ATP2A2: variants seen among roughly 807,000 people sequenced by gnomAD.
The protein encoded by ATP2A2 is sarcoplasmic/endoplasmic reticulum calcium ATPase 2.
Under a neutral mutation model 109.3 loss-of-function variants are expected in ATP2A2, and 14 were observed. The ratio of observed to expected loss-of-function variants is 0.13; its 90% CI spans 0.08 to 0.20. The LOEUF (loss-of-function observed/expected upper bound fraction) is 0.20. Ranked by LOEUF, ATP2A2 falls within the 10% of genes least tolerant of loss-of-function variation. The pLI, the probability that ATP2A2 is intolerant of heterozygous loss-of-function variation, is 1.00. For missense variants in ATP2A2, 657 were observed against 1,321.6 expected (o/e 0.50, Z 7.80); for synonymous variants, 506 against 490.9 (o/e 1.03, Z -0.41).
chr12:110,297,012 G>T (rs184514874), intron 5 of ATP2A2, among the ~76,000 whole-genome samples: 1 of 152,258 alleles, frequency 6.6e-6, no homozygotes, highest in East Asian at 1.9e-4. Context: ...GTGCTAGAGA[G>T]GTAAAACCTA....
At chr12:110,300,343 A>C (rs1452757772) in intron 5 of ATP2A2, among the ~76,000 whole-genome samples, 3 of 134,562 alleles carry the variant, frequency 2.2e-5, no homozygotes, top group Non-Finnish European at 3.1e-5. Flanking sequence ...ACATGACACC[A>C]TGCCCAGCTT....
In ATP2A2 at chr12:110,339,206, G is replaced by A. The variant is rs906393078; in HGVS notation, c.1420-75G>A. The A allele has an allele frequency of 3.2e-6, 5 of 1,573,734 alleles. No individual in the cohort carries two copies. The African/African-American group carries it at 4.1e-5, about 13-fold the overall frequency. On this transcript the variant is annotated intron_variant, in intron 11 of 19. Coordinates refer to ENST00000539276, the MANE Select transcript of ATP2A2 (RefSeq NM_170665.4). The surrounding 1 kb of genome is among the most constrained non-coding windows in gnomAD (Gnocchi z 4.4). The stretch of plus-strand genomic sequence containing the variant: ...ATTCCTAGCATCTGTCATGTAATAG[G>A]TGTGCTTACTGCTTGTTAGGTAAAA...
chr12:110,298,704 C>A (rs573530722), intron 5 of ATP2A2, among the ~76,000 whole-genome samples: 2 of 152,182 alleles, frequency 1.3e-5, no homozygotes, highest in African/African-American at 4.8e-5. Context: ...GGCGACAGAG[C>A]CCCAGACTCC....
intron 5 of ATP2A2, among the ~76,000 whole-genome samples, chr12:110,315,866 G>A (rs1002895843): frequency 1.3e-5 from 2 of 152,244 alleles, no homozygotes; most frequent in African/African-American, 4.8e-5. Context: ...TTGAACCCAG[G>A]AGGCGGGGGT....
intron 11 of ATP2A2, among the ~76,000 whole-genome samples, chr12:110,334,919 C>G (rs750816375): frequency 1.1e-4 from 16 of 152,138 alleles, no homozygotes; most frequent in Non-Finnish European, 1.9e-4. Flanking sequence ...TTGATGAGAC[C>G]AGCATAACCA....
intron 3 of ATP2A2, among the ~76,000 whole-genome samples, chr12:110,285,100 C>T (rs753123980): frequency 1.3e-5 from 2 of 152,074 alleles, no homozygotes; most frequent in Non-Finnish European, 2.9e-5. Flanking sequence ...TCAAGTCATG[C>T]TTAAATTAAA....
At chr12:110,304,552 A>T (rs1450360107) in intron 5 of ATP2A2, among the ~76,000 whole-genome samples, 1 of 152,170 alleles carries the variant, frequency 6.6e-6, no homozygotes, top group African/African-American at 2.4e-5. Context: ...GCATCTTTTC[A>T]TGTGGCTATT....
chr12:110,310,060 A>G (rs1875845022), intron 5 of ATP2A2, among the ~76,000 whole-genome samples: 1 of 152,152 alleles, frequency 6.6e-6, no homozygotes, highest in Non-Finnish European at 1.5e-5. Flanking sequence ...AATGAACGTC[A>G]TTGTTTTTAA....
At chr12:110,285,709 C>T (rs1004052531) in intron 3 of ATP2A2, among the ~76,000 whole-genome samples, 4 of 152,148 alleles carry the variant, frequency 2.6e-5, no homozygotes, top group Non-Finnish European at 5.9e-5. Flanking sequence ...TCCCATCTGT[C>T]TAAATCATAA....
Position 110,341,006 on chromosome 12 carries a change from T to G in ATP2A2, c.2097+12T>G. On this transcript the variant is annotated intron_variant, in intron 14 of 19. Coordinates refer to ENST00000539276, the MANE Select transcript of ATP2A2 (RefSeq NM_170665.4). ...AGATTACAGCTATGGTGAGCATGTT[T>G]GAACATGTACAGGTGACTCAGGCTA... The G allele has an allele frequency of 6.2e-7, 1 of 1,613,798 alleles. No individual in the cohort carries two copies.
At position 110,346,781 on chromosome 12, in the gene ATP2A2, C is replaced by A; in HGVS notation, c.*311C>A. ...TCCTTGTATAAAAAAAATAGTTGAG[C>A]CAGCAGACATTGTCAGCAAATTAAT... is the stretch of plus-strand genomic sequence containing the variant. On this transcript the variant is annotated 3_prime_UTR_variant, in exon 20 of 20. Transcript: ENST00000539276. 8.6e-7 allele frequency: 1 copy of A among 1,162,508 alleles called. No individual in the cohort carries two copies. Among genetic ancestry groups the A allele is most frequent in the Non-Finnish European group, 1.1e-6 (1 of 939,376 alleles). The allele number at this position is 1,162,508 out of a possible 1,614,324, so 72.0% of individuals were successfully genotyped here. A position where few individuals can be genotyped will look rare whatever the true frequency, so the allele number is the denominator to read the frequency against.
At position 110,347,415 on chromosome 12, in the gene ATP2A2, G is replaced by T. The variant is rs1471309220; in HGVS notation, c.*945G>T. 5 of 1,288,968 alleles carry T rather than the reference G, an allele frequency of 3.9e-6. No individual in the cohort carries two copies. The African/African-American group carries it at 4.6e-5, about 12-fold the overall frequency. 79.8% of individuals were successfully genotyped at this position (1,288,968 alleles called of 1,614,324 possible). A position where few individuals can be genotyped will look rare whatever the true frequency, so the allele number is the denominator to read the frequency against. ...CAGTTCTTAGCTCAGAACTTTAGTTGTACTCTGCTTGAGGGGAAGAAGGCT... is the reference window on the plus strand; with the variant it reads ...CAGTTCTTAGCTCAGAACTTTAGTTTTACTCTGCTTGAGGGGAAGAAGGCT... On this transcript the variant is annotated 3_prime_UTR_variant, in exon 20 of 20. Coordinates refer to ENST00000539276, the MANE Select transcript of ATP2A2 (RefSeq NM_170665.4).
chr12:110,284,658 A>G (rs979066683), intron 3 of ATP2A2, among the ~76,000 whole-genome samples: 1 of 152,278 alleles, frequency 6.6e-6, no homozygotes, highest in South Asian at 2.1e-4. Context: ...AATTTTTTTT[A>G]TAAGATAGGA....
Position 110,349,396 on chromosome 12 carries a change from G to C in ATP2A2, c.*2926G>C. On this transcript the variant is annotated 3_prime_UTR_variant, in exon 20 of 20. Transcript: ENST00000539276. ...GGCTGAAGGCCCAGCCATCAGTGTC[G>C]CTTGTTGCCACCCCGTGCCTCCCTT... 1.0e-6 allele frequency: 1 copy of C among 985,498 alleles called. No individual in the cohort carries two copies. 61.0% of individuals were successfully genotyped at this position (985,498 alleles called of 1,614,324 possible).
intron 5 of ATP2A2, among the ~76,000 whole-genome samples, chr12:110,313,741 G>A (rs1188193616): frequency 2.5e-5 from 3 of 121,756 alleles, no homozygotes; most frequent in Non-Finnish European, 3.4e-5. Flanking sequence ...ACAAAGTCTC[G>A]GCTCTGTCAC....
chr12:110,348,708 A>C lies in ATP2A2; in HGVS notation c.*2238A>C, dbSNP rs1880117953. The C allele has an allele frequency of 1.0e-6, 1 of 985,438 alleles. No homozygotes were observed. The highest frequency in any genetic ancestry group is 1.2e-6 in the Non-Finnish European group (1 of 829,974). The allele number at this position is 985,438 out of a possible 1,614,324, so 61.0% of individuals were successfully genotyped here. A position where few individuals can be genotyped will look rare whatever the true frequency, so the allele number is the denominator to read the frequency against. ...AACAGAGTGAGGCCCTGTCAAAAAA[A>C]AATCAGCCTTACTGTGAAGCCTCCA... On this transcript the variant is annotated 3_prime_UTR_variant, in exon 20 of 20. Coordinates refer to ENST00000539276, the MANE Select transcript of ATP2A2 (RefSeq NM_170665.4).
intron 5 of ATP2A2, among the ~76,000 whole-genome samples, chr12:110,297,385 G>A (rs575366393): frequency 3.5e-4 from 51 of 146,394 alleles, no homozygotes; most frequent in African/African-American, 1.2e-3. Flanking sequence ...GCAGTGAGCT[G>A]AGATCGCACC....
chr12:110,348,255 C>T lies in ATP2A2; in HGVS notation c.*1785C>T. ...TAGGTTCGTCTTAAATAGGCCACTTCCCCACTCCCCCACCCCCCCTTGCTT... is the reference window on the plus strand; with the variant it reads ...TAGGTTCGTCTTAAATAGGCCACTTTCCCACTCCCCCACCCCCCCTTGCTT... On this transcript the variant is annotated 3_prime_UTR_variant, in exon 20 of 20. Coordinates refer to ENST00000539276, the MANE Select transcript of ATP2A2 (RefSeq NM_170665.4). 1 of 985,216 alleles carries T rather than the reference C, an allele frequency of 1.0e-6. No individual in the cohort carries two copies. Among genetic ancestry groups the T allele is most frequent in the Non-Finnish European group, 1.2e-6 (1 of 829,818 alleles). The allele number at this position is 985,216 out of a possible 1,614,324, so 61.0% of individuals were successfully genotyped here.
intron 11 of ATP2A2, among the ~76,000 whole-genome samples, chr12:110,334,702 C>G (rs950603353): frequency 6.6e-6 from 1 of 151,636 alleles, no homozygotes; most frequent in African/African-American, 2.4e-5. Context: ...ATTCTCCTGC[C>G]TTAGCCTCCC....
Sources: gnomAD v4.1 joint callset for allele counts (sites outside exome capture counted in the v4.1 genomes callset) on GRCh38, gnomAD v4.1.1 for gene constraint, Gnocchi (gnomAD v3.1) non-coding constraint, MANE v1.5 for transcripts, NCBI Gene and HGNC (gene_info 2026-07-23, HGNC 2026-07-21) for gene names.